Variants in GSTCD observed in about 807,000 individuals in gnomAD.
The protein encoded by GSTCD is glutathione S-transferase C-terminal domain-containing protein.
In GSTCD, 44 loss-of-function variants were observed where a neutral mutation model predicts 68.3. The ratio of observed to expected loss-of-function variants is 0.64; its 90% CI spans 0.51 to 0.83. GSTCD has a LOEUF of 0.83. Among genes scored for constraint, GSTCD ranks in the 40% least tolerant of loss-of-function variants. The probability of loss-of-function intolerance (pLI) is 0.00; values close to 1 mark genes in which losing one functional copy is unlikely to be tolerated. For missense variants in GSTCD, 739 were observed against 735.9 expected, an observed-to-expected ratio of 1.00 and a Z score of -0.05; for synonymous variants, 273 against 255.2, an observed-to-expected ratio of 1.07 and a Z score of -0.67.
chr4:105,734,599 G>T lies in GSTCD; in HGVS notation c.1240+5100G>T, dbSNP rs1413699446. Reference sequence around the variant, plus strand: ...AGTTAGCCATTCGTCTAATCTTTTTGCAACGTTTTTAGCTTCTTTGCAATG... The same window carrying T: ...AGTTAGCCATTCGTCTAATCTTTTTTCAACGTTTTTAGCTTCTTTGCAATG... On this transcript the variant is annotated intron_variant, in intron 5 of 11. Transcript: ENST00000515279. Among the ~76,000 whole-genome samples, 4 of 152,196 alleles carry T rather than the reference G, an allele frequency of 2.6e-5. No homozygotes were observed. The East Asian group carries it at 7.7e-4, about 29-fold the overall frequency.
intron 5 of GSTCD, among the ~76,000 whole-genome samples, chr4:105,750,066 A>C (rs1231515190): frequency 6.6e-6 from 1 of 152,244 alleles, no homozygotes; most frequent in Non-Finnish European, 1.5e-5. Context: ...GCACATGCAT[A>C]TATGAAAATT....
At chr4:105,828,327 A>C (rs1321968945) in intron 8 of GSTCD, among the ~76,000 whole-genome samples, 1 of 152,214 alleles carries the variant, frequency 6.6e-6, no homozygotes. Flanking sequence ...AATTAAAAGA[A>C]GCATGTGTAA....
At chr4:105,767,748 T>C (rs559730984) in intron 5 of GSTCD, among the ~76,000 whole-genome samples, 1 of 152,312 alleles carries the variant, frequency 6.6e-6, no homozygotes, top group East Asian at 1.9e-4. Context: ...ATGAACTATA[T>C]TGAAAGATCC....
chr4:105,768,837 ATAATC>A (rs1261858460), intron 5 of GSTCD, among the ~76,000 whole-genome samples: 2 of 151,626 alleles, frequency 1.3e-5, no homozygotes, highest in African/African-American at 4.8e-5. Context: ...TTATTCTCAT[ATAATC>A]TATTCTATAA....
chr4:105,718,702 A>G (rs914236316), intron 2 of GSTCD, among the ~76,000 whole-genome samples: 1 of 151,948 alleles, frequency 6.6e-6, no homozygotes, highest in Non-Finnish European at 1.5e-5. Flanking sequence ...TTTTTTCTTT[A>G]TTTTAGTTAT....
At chr4:105,790,990 C>T (rs1184124619) in intron 5 of GSTCD, among the ~76,000 whole-genome samples, 3 of 152,004 alleles carry the variant, frequency 2.0e-5, no homozygotes, top group African/African-American at 7.3e-5. Context: ...TTAAGAACCA[C>T]TTTCTCATTT....
intron 5 of GSTCD, among the ~76,000 whole-genome samples, chr4:105,734,424 C>T (rs1733381575): frequency 6.6e-6 from 1 of 152,146 alleles, no homozygotes; most frequent in South Asian, 2.1e-4. Flanking sequence ...CTTCTTGCTT[C>T]ATTTCATTCA....
At chr4:105,772,473 G>T (rs942005559) in intron 5 of GSTCD, among the ~76,000 whole-genome samples, 18 of 152,122 alleles carry the variant, frequency 1.2e-4, no homozygotes, top group African/African-American at 4.3e-4. Context: ...TGCCTATTCA[G>T]TACTATATTG....
At chr4:105,731,596 GA>G (rs1448539944) in intron 5 of GSTCD, among the ~76,000 whole-genome samples, 5 of 152,208 alleles carry the variant, frequency 3.3e-5, no homozygotes, top group Non-Finnish European at 7.3e-5. Flanking sequence ...TGACTTTGCT[GA>G]AGTTGCTTAT....
intron 7 of GSTCD, chr4:105,823,701 A>C (rs1224835526): frequency 6.4e-6 from 1 of 156,692 alleles, no homozygotes; most frequent in East Asian, 1.9e-4. Flanking sequence ...AAAAAAAAAA[A>C]AAACCCAAAA....
intron 5 of GSTCD, among the ~76,000 whole-genome samples, chr4:105,732,167 T>C (rs1015359690): frequency 3.3e-5 from 5 of 152,198 alleles, no homozygotes; most frequent in South Asian, 2.1e-4. Context: ...TTTGTTGTGT[T>C]TCTGCCAGGC....
intron 8 of GSTCD, among the ~76,000 whole-genome samples, chr4:105,827,394 A>G (rs183310976): frequency 1.3e-5 from 2 of 152,204 alleles, no homozygotes; most frequent in African/African-American, 2.4e-5. Context: ...AAAAATGTAT[A>G]TATCTCTTTG....
chr4:105,710,387 C>CTTTTTT (rs70941210), intron 1 of GSTCD, among the ~76,000 whole-genome samples: 1 of 123,712 alleles, frequency 8.1e-6, no homozygotes, highest in Non-Finnish European at 1.7e-5. Context: ...CACTCGGCTC[C>CTTTTTT]TTTTTTTTTT....
rs1560792650 is a variant in GSTCD at position 105,719,353 on chromosome 4, A to G, written c.720A>G (p.Lys240=). 3 of 1,614,144 alleles carry G rather than the reference A, an allele frequency of 1.9e-6. No individual in the cohort carries two copies. Among genetic ancestry groups the G allele is most frequent in the Non-Finnish European group, 2.5e-6 (3 of 1,180,000 alleles). ...LDSSSKSLEL[K]VAFSKLTVQE... ...CTTCATCCAAGAGTCTGGAACTGAAAGTGGCATTCTCAAAGCTCACAGTAC... is the reference window on the plus strand; with the variant it reads ...CTTCATCCAAGAGTCTGGAACTGAAGGTGGCATTCTCAAAGCTCACAGTAC... The change falls in exon 3 of 12, where the codon AAA becomes AAG. Residue 240 remains lysine, a synonymous_variant. Coordinates refer to ENST00000515279, the MANE Select transcript of GSTCD (RefSeq NM_001370181.1).
chr4:105,792,162 A>G (rs1425887485), intron 5 of GSTCD, among the ~76,000 whole-genome samples: 5 of 151,992 alleles, frequency 3.3e-5, no homozygotes, highest in African/African-American at 1.2e-4. Context: ...CTAAAAATCC[A>G]ACTTTGCAAA....
At chr4:105,749,694 T>C (rs1453237746) in intron 5 of GSTCD, among the ~76,000 whole-genome samples, 1 of 151,930 alleles carries the variant, frequency 6.6e-6, no homozygotes, top group Non-Finnish European at 1.5e-5. Context: ...ATATAAAATT[T>C]TAAACTATAA....
At chr4:105,836,481 C>T (rs1475038345) in intron 9 of GSTCD, among the ~76,000 whole-genome samples, 1 of 152,180 alleles carries the variant, frequency 6.6e-6, no homozygotes, top group Non-Finnish European at 1.5e-5. Context: ...CTGTCTGCCT[C>T]CTGTTGCCAT....
intron 5 of GSTCD, among the ~76,000 whole-genome samples, chr4:105,782,642 A>T (rs908980415): frequency 1.9e-4 from 29 of 152,006 alleles, no homozygotes; most frequent in African/African-American, 7.0e-4. Context: ...CTGGAGTACA[A>T]TGCTGTGATC....
At chr4:105,761,786 A>C (rs944239638) in intron 5 of GSTCD, 7 of 152,228 alleles carry the variant, frequency 4.6e-5, no homozygotes, top group Non-Finnish European at 1.0e-4. Context: ...TGTAGTTGTC[A>C]AGGGCTCATT....
Sources: gnomAD v4.1 joint callset for allele counts (sites outside exome capture counted in the v4.1 genomes callset) on GRCh38, gnomAD v4.1.1 for gene constraint, MANE v1.5 for transcripts, NCBI Gene and HGNC (gene_info 2026-07-23, HGNC 2026-07-21) for gene names.